NFIA: variants seen among roughly 807,000 people sequenced by gnomAD.
NFIA encodes nuclear factor 1 A-type.
Under a neutral mutation model 62.8 loss-of-function variants are expected in NFIA, and 8 were observed. The ratio of observed to expected loss-of-function variants is 0.13; its 90% CI spans 0.07 to 0.23. NFIA has a LOEUF of 0.23. Ranked by LOEUF, NFIA falls within the 10% of genes least tolerant of loss-of-function variation. The pLI is 1.00. For missense variants in NFIA, 410 were observed against 642.1 expected (o/e 0.64, Z 3.91); for synonymous variants, 235 against 238.1 (o/e 0.99, Z 0.12).
At chr1:61,354,279 A>C (rs1354363239) in intron 5 of NFIA, among the ~76,000 whole-genome samples, 6 of 152,204 alleles carry the variant, frequency 3.9e-5, no homozygotes, top group Non-Finnish European at 8.8e-5. Context: ...TACTCTCATT[A>C]GGCTCTTCCT....
chr1:61,356,148 C>A (rs978472905), intron 5 of NFIA, among the ~76,000 whole-genome samples: 1 of 152,142 alleles, frequency 6.6e-6, no homozygotes, highest in Non-Finnish European at 1.5e-5. Flanking sequence ...ATGGCTGTTT[C>A]TAAGTCAGTA....
At chr1:61,446,105 GATCTTGTAGT>G (rs1408932049) in intron 10 of NFIA, among the ~76,000 whole-genome samples, 3 of 152,168 alleles carry the variant, frequency 2.0e-5, no homozygotes, top group African/African-American at 4.8e-5. Flanking sequence ...ATAGCAACAG[GATCTTGTAGT>G]ATCCTTAGAG....
intron 2 of NFIA, among the ~76,000 whole-genome samples, chr1:61,132,185 A>G (rs1298184241): frequency 6.6e-6 from 1 of 152,168 alleles, no homozygotes; most frequent in Non-Finnish European, 1.5e-5. Context: ...GAATGAGGAA[A>G]ATCCCTCAGA....
chr1:61,101,122 A>T (rs1024325046), intron 2 of NFIA, among the ~76,000 whole-genome samples: 3 of 152,154 alleles, frequency 2.0e-5, no homozygotes, highest in Non-Finnish European at 4.4e-5. Context: ...CTGGCCAGGC[A>T]CAGTGGCTCA....
chr1:61,235,233 C>T (rs1654918833), intron 2 of NFIA, among the ~76,000 whole-genome samples: 2 of 151,988 alleles, frequency 1.3e-5, no homozygotes, highest in Admixed American at 6.6e-5. Context: ...GAGGCCGAGG[C>T]GTGTGGATCA....
chr1:61,124,754 C>T (rs1646940943), intron 2 of NFIA: 2 of 152,146 alleles, frequency 1.3e-5, no homozygotes, highest in South Asian at 4.1e-4. Context: ...TAATTATTCC[C>T]CTATTTGAAA....
intron 10 of NFIA, among the ~76,000 whole-genome samples, chr1:61,428,382 A>ATT (rs34309622): frequency 0.42 from 56,741 of 135,538 alleles, 12,218 homozygotes; most frequent in South Asian, 0.58. Context: ...CTGGAACTGA[A>ATT]TTTTTTTTTT....
intron 9 of NFIA, among the ~76,000 whole-genome samples, chr1:61,409,499 G>A (rs1666000741): frequency 6.6e-6 from 1 of 152,176 alleles, no homozygotes; most frequent in Admixed American, 6.5e-5. Context: ...TCCTTATTTG[G>A]AGGGGATTTA....
At chr1:61,115,777 C>T (rs1646783927) in intron 2 of NFIA, among the ~76,000 whole-genome samples, 1 of 152,142 alleles carries the variant, frequency 6.6e-6, no homozygotes, top group African/African-American at 2.4e-5. Flanking sequence ...TTGCCCTTGC[C>T]CCAGAGAGGG....
At chr1:61,137,602 C>G (rs112454525) in intron 2 of NFIA, among the ~76,000 whole-genome samples, 68 of 152,284 alleles carry the variant, frequency 4.5e-4, no homozygotes, top group African/African-American at 1.5e-3. Context: ...TGGTTCTCAA[C>G]CTTGGCTGCC....
In NFIA at chr1:61,333,068, TACACAC is replaced by T. The variant is rs34809808; in HGVS notation, c.700+500_700+505del. 4.5e-5 allele frequency among the ~76,000 whole-genome samples: 6 copies of T among 132,594 alleles called. 1 individual carries two copies. The highest frequency in any genetic ancestry group is 1.6e-4 in the African/African-American group (6 of 37,822). 87.0% of individuals were successfully genotyped at this position (132,594 alleles called of 152,430 possible). Reference sequence around the variant, plus strand: ...GCACGCACACACACACACACACACATACACACACACACACACACACACATACACAGT... The same window carrying T: ...GCACGCACACACACACACACACACATACACACACACACACACATACACAGT... On this transcript the variant is annotated intron_variant, in intron 4 of 10. Transcript: ENST00000403491.
intron 2 of NFIA, among the ~76,000 whole-genome samples, chr1:61,169,294 C>T (rs866701810): frequency 1.3e-5 from 2 of 152,080 alleles, no homozygotes; most frequent in South Asian, 4.1e-4. Flanking sequence ...ACTCCTTTTT[C>T]CTTCCCACTA....
chr1:61,407,204 C>G (rs1665883781), intron 9 of NFIA, among the ~76,000 whole-genome samples: 1 of 152,156 alleles, frequency 6.6e-6, no homozygotes, highest in Non-Finnish European at 1.5e-5. Context: ...GGTGTGTACA[C>G]TGACCATTCG....
At chr1:61,323,551 G>A (rs1570578592) in intron 3 of NFIA, among the ~76,000 whole-genome samples, 1 of 152,210 alleles carries the variant, frequency 6.6e-6, no homozygotes, top group East Asian at 1.9e-4. Flanking sequence ...CTAAAAATAA[G>A]CCGTATCTCA....
intron 2 of NFIA, among the ~76,000 whole-genome samples, chr1:61,211,139 GA>G (rs1653224942): frequency 6.6e-6 from 1 of 152,152 alleles, no homozygotes; most frequent in African/African-American, 2.4e-5. Flanking sequence ...TCAAAAGCCT[GA>G]AGACATTGTG....
At chr1:61,350,480 T>A (rs1223956234) in intron 4 of NFIA, among the ~76,000 whole-genome samples, 3 of 152,040 alleles carry the variant, frequency 2.0e-5, no homozygotes, top group African/African-American at 7.2e-5. Flanking sequence ...AAGAAATTTT[T>A]AAAAAATTAG....
intron 2 of NFIA, among the ~76,000 whole-genome samples, chr1:61,139,898 A>G (rs1647376375): frequency 6.6e-6 from 1 of 151,760 alleles, no homozygotes; most frequent in South Asian, 2.1e-4. Flanking sequence ...AAAAAAAAAA[A>G]AAAAGTTGGT....
At chr1:61,358,379 C>CTTTTTTTTTTTTTT (rs34853369) in intron 5 of NFIA, among the ~76,000 whole-genome samples, 18 of 52,614 alleles carry the variant, frequency 3.4e-4, no homozygotes, top group East Asian at 6.4e-4. Flanking sequence ...TTCTTTCTTT[C>CTTTTTTTTTTTTTT]TTTTTTTTTT....
chr1:61,305,895 C>T (rs977338569), intron 3 of NFIA, among the ~76,000 whole-genome samples: 6 of 149,896 alleles, frequency 4.0e-5, no homozygotes, highest in African/African-American at 1.2e-4. Context: ...TCGCCCAGGC[C>T]GAAGTGCAGT....
Sources: gnomAD v4.1 joint callset for allele counts (sites outside exome capture counted in the v4.1 genomes callset) on GRCh38, gnomAD v4.1.1 for gene constraint, MANE v1.5 for transcripts, NCBI Gene and HGNC (gene_info 2026-07-23, HGNC 2026-07-21) for gene names.